SGSM3: variants seen among roughly 807,000 people sequenced by gnomAD.
The protein encoded by SGSM3 is small G protein signaling modulator 3, also known as RUN and SH3 containing 3.
A neutral mutation model predicts 100.5 loss-of-function variants in SGSM3; 96 were observed. The observed-to-expected ratio is 0.96, with a 90% CI of 0.81 to 1.13. SGSM3 has a LOEUF of 1.13. SGSM3 is among the 50% of genes most tolerant of loss of function. The pLI is 0.00. For missense variants in SGSM3, 1,001 were observed against 1,015.8 expected, an observed-to-expected ratio of 0.99 and a Z score of 0.20; for synonymous variants, 483 against 422.8, an observed-to-expected ratio of 1.14 and a Z score of -1.75.
At chr22:40,383,671 T>C (rs1313018999) in intron 1 of SGSM3, among the ~76,000 whole-genome samples, 1 of 152,066 alleles carries the variant, frequency 6.6e-6, no homozygotes, top group Non-Finnish European at 1.5e-5. Flanking sequence ...AGGGGCCCAG[T>C]TGGCTAAAGC....
In SGSM3 at chr22:40,409,669, G is replaced by A; in HGVS notation, c.2173-13G>A. The A allele has an allele frequency of 1.2e-6, 2 of 1,613,272 alleles. No homozygotes were observed. Among genetic ancestry groups the A allele is most frequent in the South Asian group, 1.1e-5 (1 of 91,040 alleles). On this transcript the variant is annotated splice_polypyrimidine_tract_variant and intron_variant, in intron 21 of 21. Transcript: ENST00000248929. ...CCCAAGGCCTGTGAGGTGAGGGGCT[G>A]CCCTGTTTGCAGGCGCAGCAGCCCC... is the stretch of plus-strand genomic sequence containing the variant.
At chr22:40,400,078 C>T (rs2050543030) in intron 1 of SGSM3, among the ~76,000 whole-genome samples, 2 of 152,144 alleles carry the variant, frequency 1.3e-5, no homozygotes, top group Non-Finnish European at 1.5e-5. Context: ...TAATTCTTCC[C>T]GATTTATCTA....
chr22:40,379,577 G>C (rs965554237), intron 1 of SGSM3: 1 of 152,170 alleles, frequency 6.6e-6, no homozygotes, highest in East Asian at 1.9e-4. Flanking sequence ...GTTCAGGCCC[G>C]TGCAGTGCCT....
chr22:40,402,675 G>A (rs1024156748), intron 4 of SGSM3, among the ~76,000 whole-genome samples: 1 of 152,212 alleles, frequency 6.6e-6, no homozygotes. Context: ...GGAGGTGGAG[G>A]TTGCAGTGAG....
chr22:40,409,876 T>G lies in SGSM3; in HGVS notation c.*117T>G, dbSNP rs888791709. ...TGGCCGGGGCCGCGGGATATCAATA[T>G]CAGGCTGCCCCACTCCACGTTCCCC... On this transcript the variant is annotated 3_prime_UTR_variant, in exon 22 of 22. Transcript: ENST00000248929. 9.6e-6 allele frequency: 14 copies of G among 1,453,354 alleles called. No homozygotes were observed. The highest frequency in any genetic ancestry group is 1.1e-5 in the Non-Finnish European group (12 of 1,108,696). 90.0% of individuals were successfully genotyped at this position (1,453,354 alleles called of 1,614,324 possible).
Position 40,410,091 on chromosome 22 carries a change from G to GGTTTATAAATAAACTGTGTC in SGSM3, c.*332_*333insGTTTATAAATAAACTGTGTC. ...GGCCTCTTTGGTTTATAAATAAACT[G>GGTTTATAAATAAACTGTGTC]TGTCTGTCTTTGAGAAAGCACCTAC... is the stretch of plus-strand genomic sequence containing the variant. On this transcript the variant is annotated 3_prime_UTR_variant, in exon 22 of 22. Coordinates refer to ENST00000248929, the MANE Select transcript of SGSM3 (RefSeq NM_015705.6). The GGTTTATAAATAAACTGTGTC allele has an allele frequency of 8.4e-7, 1 of 1,194,820 alleles. No individual in the cohort carries two copies. The highest frequency in any genetic ancestry group is 1.0e-6 in the Non-Finnish European group (1 of 964,078). The allele number at this position is 1,194,820 out of a possible 1,614,324, so 74.0% of individuals were successfully genotyped here.
intron 1 of SGSM3, among the ~76,000 whole-genome samples, chr22:40,383,473 A>G (rs1025718526): frequency 3.9e-5 from 6 of 151,992 alleles, no homozygotes; most frequent in African/African-American, 1.5e-4. Context: ...TCTCAAAAAA[A>G]AAAAAAAAAA....
Position 40,409,368 on chromosome 22 carries a change from C to G in SGSM3, c.2107C>G (p.Leu703Val). The stretch of plus-strand genomic sequence containing the variant: ...GGGCTGGGTCCAGATCAAGTGTGAG[C>G]TCCGGTGAGGACCTTACTGGGCTTG... ...SPGWVQIKCE[L>V]RVLCCFAFSL... Residue 703 changes from leucine to valine, a missense_variant, in exon 20 of 22, where the codon CTC (leucine) becomes GTC (valine). By Grantham distance (32) the Leu-to-Val change is conservative. Coordinates refer to ENST00000248929, the MANE Select transcript of SGSM3 (RefSeq NM_015705.6). The G allele has an allele frequency of 6.2e-7, 1 of 1,601,388 alleles. No homozygotes were observed.
rs2051852554 is a variant in SGSM3 at position 40,407,913 on chromosome 22, C to T, written c.1579+70C>T. 3.3e-6 allele frequency: 5 copies of T among 1,505,278 alleles called. No individual in the cohort carries two copies. Among genetic ancestry groups the T allele is most frequent in the African/African-American group, 2.8e-5 (2 of 72,652 alleles). The allele number at this position is 1,505,278 out of a possible 1,614,324, so 93.2% of individuals were successfully genotyped here. A position where few individuals can be genotyped will look rare whatever the true frequency, so the allele number is the denominator to read the frequency against. Reference sequence around the variant, plus strand: ...GTGGGCACAGAAGACTTGGGTGACCCTGGCCGCCACCAAGCTGTTCTCCTC... The same window carrying T: ...GTGGGCACAGAAGACTTGGGTGACCTTGGCCGCCACCAAGCTGTTCTCCTC... On this transcript the variant is annotated intron_variant, in intron 14 of 21. Coordinates refer to ENST00000248929, the MANE Select transcript of SGSM3 (RefSeq NM_015705.6). This position sits in a 1 kb window ranked among gnomAD's most constrained non-coding sequence, Gnocchi z 4.7.
chr22:40,390,651 A>G (rs547669306), intron 1 of SGSM3, among the ~76,000 whole-genome samples: 1 of 152,336 alleles, frequency 6.6e-6, no homozygotes, highest in East Asian at 1.9e-4. Context: ...GGCACTTAGC[A>G]TGCAATGAAT....
chr22:40,385,771 G>A (rs746827159), intron 1 of SGSM3, among the ~76,000 whole-genome samples: 14 of 152,214 alleles, frequency 9.2e-5, no homozygotes, highest in Non-Finnish European at 7.3e-5. Flanking sequence ...GAAGGTTGCT[G>A]AGCAACCGTG....
intron 2 of SGSM3, among the ~76,000 whole-genome samples, chr22:40,401,266 T>G (rs191550064): frequency 9.9e-5 from 15 of 152,266 alleles, no homozygotes; most frequent in Admixed American, 9.2e-4. Context: ...TTTTTTTATT[T>G]TTTTGAGGCA....
chr22:40,408,724 G>A, intron 17 of SGSM3, 27 bp downstream of exon 17: 1 of 1,613,798 alleles, frequency 6.2e-7, no homozygotes, highest in South Asian at 1.1e-5. Context: ...TCTTCTGGTG[G>A]GGTCACCAGC....
chr22:40,373,022 A>T (rs2045891415), intron 1 of SGSM3: 1 of 152,222 alleles, frequency 6.6e-6, no homozygotes, highest in Non-Finnish European at 1.5e-5. Flanking sequence ...TTGCCATCAC[A>T]TATTATACAC....
chr22:40,406,029 G>A (rs1459700364), intron 8 of SGSM3, 49 bp from the exon 9 acceptor site: 24 of 1,596,412 alleles, frequency 1.5e-5, no homozygotes, highest in Non-Finnish European at 2.0e-5. Context: ...TCCGGGGAGG[G>A]AGGTTTCCAC....
chr22:40,386,557 TCTTA>T (rs1197483756), intron 1 of SGSM3, among the ~76,000 whole-genome samples: 2 of 148,138 alleles, frequency 1.4e-5, no homozygotes, highest in African/African-American at 2.5e-5. Flanking sequence ...AGTCCAATTT[TCTTA>T]CTTTTTTTTT....
rs202162334 is a variant in SGSM3 at position 40,408,840 on chromosome 22, C to T, written c.1900C>T (p.Arg634Trp). Residue 634 changes from arginine to tryptophan, a missense_variant and splice_region_variant, in exon 18 of 22, where the codon CGG (arginine) becomes TGG (tryptophan). Physicochemically the swap from Arg to Trp is moderately radical, Grantham distance 101. Transcript: ENST00000248929. Reference sequence around the variant, plus strand: ...CCTGACCCCGGAGGAGCTGCTCTACCGGGTAAGGGGGCCTCCTCTGCCAGA... The same window carrying T: ...CCTGACCCCGGAGGAGCTGCTCTACTGGGTAAGGGGGCCTCCTCTGCCAGA... Reference protein sequence around the residue: ...KVLTPEELLYRAVQSVNVTHD... With the variant: ...KVLTPEELLYWAVQSVNVTHD... The T allele has an allele frequency of 4.0e-5, 64 of 1,613,808 alleles. No individual in the cohort carries two copies. Among genetic ancestry groups the T allele is most frequent in the Admixed American group, 1.8e-4 (11 of 60,004 alleles).
rs1001174628 is a variant in SGSM3, at chr22:40,410,065, T to C, written c.*306T>C. 1 of 1,265,064 alleles carries C rather than the reference T, an allele frequency of 7.9e-7. No individual in the cohort carries two copies. The highest frequency in any genetic ancestry group is 9.9e-7 in the Non-Finnish European group (1 of 1,005,140). 78.4% of individuals were successfully genotyped at this position (1,265,064 alleles called of 1,614,324 possible). ...GGGATGGGGGTGGCTAGTAGGCTCC[T>C]GGCCTCTTTGGTTTATAAATAAACT... is the stretch of plus-strand genomic sequence containing the variant. On this transcript the variant is annotated 3_prime_UTR_variant, in exon 22 of 22. Transcript: ENST00000248929.
At chr22:40,370,908 G>A (rs910135964) in intron 1 of SGSM3, among the ~76,000 whole-genome samples, 1 of 152,212 alleles carries the variant, frequency 6.6e-6, no homozygotes, top group Admixed American at 6.5e-5. Flanking sequence ...CGGGGAGGTC[G>A]GCTGCGTCCT....
Sources: gnomAD v4.1 joint callset for allele counts (sites outside exome capture counted in the v4.1 genomes callset) on GRCh38, gnomAD v4.1.1 for gene constraint, Gnocchi (gnomAD v3.1) non-coding constraint, MANE v1.5 for transcripts, NCBI Gene and HGNC (gene_info 2026-07-23, HGNC 2026-07-21) for gene names.